ZNF609: variants seen among roughly 807,000 people sequenced by gnomAD.
ZNF609 encodes the protein zinc finger protein 609.
In ZNF609, 11 loss-of-function variants were observed where a neutral mutation model predicts 109.5. That is an observed-to-expected ratio of 0.10 (90% confidence interval 0.06 to 0.17). The LOEUF (loss-of-function observed/expected upper bound fraction) is 0.17. ZNF609 is among the 10% of genes least tolerant of loss of function. The probability of loss-of-function intolerance (pLI) is 1.00; values close to 1 mark genes in which losing one functional copy is unlikely to be tolerated. For synonymous variants in ZNF609, 646 were observed against 662.0 expected (o/e 0.98, Z 0.37); for missense variants, 1,559 against 1,772.4 (o/e 0.88, Z 2.16).
chr15:64,651,885 T>A (rs8035414), intron 3 of ZNF609, among the ~76,000 whole-genome samples: 2,103 of 152,278 alleles, frequency 0.014, 64 homozygotes, highest in African/African-American at 0.048. Flanking sequence ...CTGTTTTGTT[T>A]CTATTCACGT....
Position 64,683,702 on chromosome 15 carries a change from T to C in ZNF609, c.*2016T>C, listed in dbSNP as rs915906687. The stretch of plus-strand genomic sequence containing the variant: ...AGAGGGTGACTGAATTTCAGCCTGA[T>C]TATGCCCTCCTGGGGCTCCTGTGAG... On this transcript the variant is annotated 3_prime_UTR_variant, in exon 10 of 10. Coordinates refer to ENST00000326648, the MANE Select transcript of ZNF609 (RefSeq NM_015042.2). 2.0e-5 allele frequency: 3 copies of C among 152,248 alleles called. No homozygotes were observed. Among genetic ancestry groups the C allele is most frequent in the African/African-American group, 7.2e-5 (3 of 41,468 alleles). The allele number at this position is 152,248 out of a possible 1,614,324, so 9.4% of individuals were successfully genotyped here. A position where few individuals can be genotyped will look rare whatever the true frequency, so the allele number is the denominator to read the frequency against.
At chr15:64,552,908 A>G (rs1894507679) in intron 2 of ZNF609, among the ~76,000 whole-genome samples, 1 of 152,000 alleles carries the variant, frequency 6.6e-6, no homozygotes, top group Non-Finnish European at 1.5e-5. Context: ...CTGCCTCCCC[A>G]GAGTGCTGGG....
chr15:64,661,686 A>G (rs940909709), intron 3 of ZNF609, among the ~76,000 whole-genome samples: 7 of 152,076 alleles, frequency 4.6e-5, no homozygotes, highest in Non-Finnish European at 8.8e-5. Context: ...GGCCTTATTT[A>G]TCCTTATTCT....
chr15:64,612,919 G>A (rs901856023), intron 2 of ZNF609, among the ~76,000 whole-genome samples: 1 of 152,142 alleles, frequency 6.6e-6, no homozygotes, highest in Non-Finnish European at 1.5e-5. Context: ...GGAGGCTGAG[G>A]CAGGAGAATC....
At position 64,674,918 on chromosome 15, in the gene ZNF609, C is replaced by G. The variant is rs140216816; in HGVS notation, c.2064C>G (p.Thr688=). ...AASPGSSSGL[T]ATVAQAMPNS... Reference sequence around the variant, plus strand: ...GCCCAGGCTCTTCCTCAGGCTTGACCGCCACAGTGGCACAAGCCATGCCCA... The same window carrying G: ...GCCCAGGCTCTTCCTCAGGCTTGACGGCCACAGTGGCACAAGCCATGCCCA... The change falls in exon 5 of 10, where the codon ACC becomes ACG. Residue 688 remains threonine, a synonymous_variant. Transcript: ENST00000326648. 1.2e-6 allele frequency: 2 copies of G among 1,613,912 alleles called. No homozygotes were observed. The highest frequency in any genetic ancestry group is 2.2e-5 in the East Asian group (1 of 44,890).
chr15:64,500,493 G>T (rs961161501), intron 2 of ZNF609: 4 of 620,702 alleles, frequency 6.4e-6, no homozygotes, highest in Non-Finnish European at 1.2e-5. Context: ...GTAGAGATTG[G>T]CATCAGACCT....
chr15:64,656,165 G>A (rs2141001217), intron 3 of ZNF609, among the ~76,000 whole-genome samples: 1 of 152,160 alleles, frequency 6.6e-6, no homozygotes, highest in South Asian at 2.1e-4. Context: ...CCGTGTTCAG[G>A]CAATTCTCTT....
chr15:64,476,884 C>G (rs1893178293), intron 1 of ZNF609, among the ~76,000 whole-genome samples: 1 of 152,114 alleles, frequency 6.6e-6, no homozygotes, highest in Non-Finnish European at 1.5e-5. Context: ...TTAGTGAGGC[C>G]TCAGCAACTT....
chr15:64,504,629 C>G (rs1380800224), intron 2 of ZNF609, among the ~76,000 whole-genome samples: 2 of 151,454 alleles, frequency 1.3e-5, no homozygotes, highest in South Asian at 2.1e-4. Context: ...ACCACCATGC[C>G]TGGCTAGTTT....
intron 2 of ZNF609, among the ~76,000 whole-genome samples, chr15:64,508,785 C>T (rs1893672931): frequency 1.3e-5 from 2 of 151,458 alleles, no homozygotes; most frequent in Non-Finnish European, 2.9e-5. Context: ...ACCTCCCATG[C>T]TCAAGTGATT....
chr15:64,551,858 G>A (rs1179978519), intron 2 of ZNF609, among the ~76,000 whole-genome samples: 2 of 147,786 alleles, frequency 1.4e-5, no homozygotes, highest in Admixed American at 6.8e-5. Flanking sequence ...GTGGTGGCAG[G>A]TGCTTGTATT....
intron 2 of ZNF609, among the ~76,000 whole-genome samples, chr15:64,505,828 A>G (rs1294416766): frequency 6.6e-6 from 1 of 152,072 alleles, no homozygotes; most frequent in Admixed American, 6.5e-5. Context: ...CTTGAATTTC[A>G]CATCAACTCT....
rs201398903 is a variant in ZNF609 at position 64,589,805 on chromosome 15, TA to T, written c.748-33017del. ...AGATTAAAATTATAAATTAAATGGC[TA>T]AAAATTTTTACATACTGTAAACAGA... is the stretch of plus-strand genomic sequence containing the variant. On this transcript the variant is annotated intron_variant, in intron 2 of 9. Transcript: ENST00000326648. 7.9e-3 allele frequency among the ~76,000 whole-genome samples: 1,198 copies of T among 152,312 alleles called. 21 individuals are homozygous for T. The highest frequency in any genetic ancestry group is 0.028 in the African/African-American group (1,153 of 41,566).
chr15:64,619,990 A>G (rs1331990166), intron 2 of ZNF609, among the ~76,000 whole-genome samples: 1 of 152,200 alleles, frequency 6.6e-6, no homozygotes, highest in Admixed American at 6.5e-5. Flanking sequence ...ACTTCCAGAA[A>G]AGAGCTGTCC....
At chr15:64,516,037 G>A (rs1023310386) in intron 2 of ZNF609, among the ~76,000 whole-genome samples, 3 of 152,132 alleles carry the variant, frequency 2.0e-5, no homozygotes, top group African/African-American at 7.2e-5. Context: ...GCTGTCTGTA[G>A]TTGGTAGTAA....
At chr15:64,534,478 C>T (rs1023282226) in intron 2 of ZNF609, among the ~76,000 whole-genome samples, 3 of 152,006 alleles carry the variant, frequency 2.0e-5, no homozygotes, top group South Asian at 2.1e-4. Context: ...CCATGCCTGG[C>T]TACTTTTTGT....
chr15:64,594,526 C>G (rs1160417190), intron 2 of ZNF609, among the ~76,000 whole-genome samples: 1 of 151,420 alleles, frequency 6.6e-6, no homozygotes, highest in Non-Finnish European at 1.5e-5. Context: ...TTGGTAAAGA[C>G]CGGGTTTCAC....
chr15:64,557,049 G>C (rs772922465), intron 2 of ZNF609, among the ~76,000 whole-genome samples: 3 of 152,054 alleles, frequency 2.0e-5, no homozygotes, highest in Non-Finnish European at 4.4e-5. Context: ...GACATTTTTG[G>C]TAAGAATGAG....
intron 2 of ZNF609, among the ~76,000 whole-genome samples, chr15:64,610,851 G>C (rs1895704978): frequency 6.6e-6 from 1 of 152,028 alleles, no homozygotes; most frequent in East Asian, 1.9e-4. Context: ...AGTACAGTTT[G>C]GTCCAGCCAC....
Sources: allele counts gnomAD v4.1 joint callset (sites outside exome capture counted in the v4.1 genomes callset), GRCh38; gene constraint gnomAD v4.1.1; transcripts MANE v1.5; gene names NCBI Gene and HGNC (gene_info 2026-07-23, HGNC 2026-07-21).